Variants in CNIH1 observed in about 807,000 individuals in gnomAD.
The protein encoded by CNIH1 is cornichon family member 1.
CNIH1 carries 12 observed loss-of-function variants against 20.2 expected under a neutral mutation model. The observed-to-expected ratio is 0.59, with a 90% CI of 0.38 to 0.96. The LOEUF is 0.96. Among genes scored for constraint, CNIH1 ranks in the 40% least tolerant of loss-of-function variants. CNIH1 has a pLI of 0.00. For synonymous variants in CNIH1, 69 were observed against 63.3 expected (o/e 1.09, Z -0.43); for missense variants, 152 against 178.8 (o/e 0.85, Z 0.85).
chr14:54,432,283 A>G, intron 2 of CNIH1, 63 bp from the exon 3 acceptor site: 1 of 814,552 alleles, frequency 1.2e-6, no homozygotes, highest in East Asian at 3.1e-5. Flanking sequence ...ACTAATCTGG[A>G]AAGCAGGTGG....
intron 3 of CNIH1, among the ~76,000 whole-genome samples, chr14:54,431,383 C>A (rs1226633836): frequency 1.3e-5 from 2 of 152,190 alleles, no homozygotes; most frequent in Non-Finnish European, 2.9e-5. Flanking sequence ...ACTTCGGCCT[C>A]CCAAAGTGCT....
intron 2 of CNIH1, chr14:54,436,157 A>G (rs1227377773): frequency 2.8e-6 from 2 of 704,814 alleles, no homozygotes; most frequent in Non-Finnish European, 5.2e-6. Context: ...AGCAGATTGG[A>G]AGAATGTTAG....
chr14:54,440,559 C>G (rs1238626803), intron 1 of CNIH1, among the ~76,000 whole-genome samples: 1 of 152,152 alleles, frequency 6.6e-6, no homozygotes, highest in East Asian at 1.9e-4. Context: ...ACTCCCTCTA[C>G]TAAATCAAGC....
chr14:54,441,354 C>T lies in CNIH1; in HGVS notation c.-27G>A. On this transcript the variant is annotated 5_prime_UTR_variant, in exon 1 of 5. Coordinates refer to ENST00000216416, the MANE Select transcript of CNIH1 (RefSeq NM_005776.3). ...GCTGGGGAGGAGGAGCGGGGAGCGG[C>T]GCCGTTGCCAGCGGAGAAAGGCGGC... is the stretch of plus-strand genomic sequence containing the variant. 1.4e-6 allele frequency: 2 copies of T among 1,480,842 alleles called. No homozygotes were observed. Among genetic ancestry groups the T allele is most frequent in the South Asian group, 2.6e-5 (2 of 77,884 alleles). The allele number at this position is 1,480,842 out of a possible 1,614,324, so 91.7% of individuals were successfully genotyped here.
chr14:54,429,084 AAG>A (rs1306647103), intron 4 of CNIH1, among the ~76,000 whole-genome samples: 2 of 151,740 alleles, frequency 1.3e-5, no homozygotes, highest in African/African-American at 4.8e-5. Context: ...AAAAATGAGA[AAG>A]TATTTTATAT....
At chr14:54,431,132 A>G (rs1028977793) in intron 3 of CNIH1, among the ~76,000 whole-genome samples, 1 of 149,142 alleles carries the variant, frequency 6.7e-6, no homozygotes, top group Non-Finnish European at 1.5e-5. Flanking sequence ...GCCCTGAGTA[A>G]ATTTTTTTTT....
chr14:54,436,959 C>G (rs1464004191), intron 1 of CNIH1, among the ~76,000 whole-genome samples: 1 of 152,192 alleles, frequency 6.6e-6, no homozygotes, highest in Non-Finnish European at 1.5e-5. Flanking sequence ...TGCCCCTCTA[C>G]ACTCTCAGGG....
intron 2 of CNIH1, 61 bp downstream of exon 2, chr14:54,436,308 C>T: frequency 1.0e-6 from 1 of 996,506 alleles, no homozygotes; most frequent in Non-Finnish European, 1.6e-6. Flanking sequence ...TTTCAAATTA[C>T]TTCAAGTTAA....
At chr14:54,434,618 C>G (rs181397493) in intron 2 of CNIH1, among the ~76,000 whole-genome samples, 30 of 152,288 alleles carry the variant, frequency 2.0e-4, no homozygotes, top group Admixed American at 2.0e-3. Context: ...TACCACAGAG[C>G]CTAGCACCCA....
chr14:54,435,653 C>T (rs1311355270), intron 2 of CNIH1, among the ~76,000 whole-genome samples: 1 of 152,190 alleles, frequency 6.6e-6, no homozygotes, highest in Non-Finnish European at 1.5e-5. Context: ...TCTGAATAAA[C>T]ATCAGCTGAA....
At chr14:54,432,407 C>T (rs528450367) in intron 2 of CNIH1, among the ~76,000 whole-genome samples, 187 bp from the exon 3 acceptor site, 34 of 152,336 alleles carry the variant, frequency 2.2e-4, no homozygotes, top group African/African-American at 7.0e-4. Context: ...TACAGGCAAA[C>T]TGACCAGAGC....
chr14:54,430,409 A>C lies in CNIH1; in HGVS notation c.264-5T>G. 2 of 1,612,134 alleles carry C rather than the reference A, an allele frequency of 1.2e-6. No individual in the cohort carries two copies. Among genetic ancestry groups the C allele is most frequent in the Non-Finnish European group, 1.7e-6 (2 of 1,179,030 alleles). ...ATCACTGGTCTACTCATATACCTGG[A>C]ATAAACACAGTCTATTAGGCATTCA... On this transcript the variant is annotated splice_region_variant and splice_polypyrimidine_tract_variant and intron_variant, in intron 3 of 4. Coordinates refer to ENST00000216416, the MANE Select transcript of CNIH1 (RefSeq NM_005776.3).
chr14:54,426,698 T>C lies in CNIH1; in HGVS notation c.*1116A>G, dbSNP rs1048796416. 6.6e-6 allele frequency: 1 copy of C among 152,200 alleles called. No homozygotes were observed. Among genetic ancestry groups the C allele is most frequent in the African/African-American group, 2.4e-5 (1 of 41,458 alleles). The allele number at this position is 152,200 out of a possible 1,614,324, so 9.4% of individuals were successfully genotyped here. On this transcript the variant is annotated 3_prime_UTR_variant, in exon 5 of 5. Coordinates refer to ENST00000216416, the MANE Select transcript of CNIH1 (RefSeq NM_005776.3). ...TGCCACCATAATTTTTCTTAATTGG[T>C]AAGAGAAATGATGATGCTATGCCAT...
intron 4 of CNIH1, among the ~76,000 whole-genome samples, 183 bp from the exon 5 acceptor site, chr14:54,428,024 T>C (rs1339680074): frequency 6.6e-6 from 1 of 152,220 alleles, no homozygotes; most frequent in Non-Finnish European, 1.5e-5. Flanking sequence ...CTTGGCTCAG[T>C]GCATATGCTG....
intron 1 of CNIH1, among the ~76,000 whole-genome samples, chr14:54,440,927 C>G (rs1282596549): frequency 6.6e-6 from 1 of 152,198 alleles, no homozygotes; most frequent in African/African-American, 2.4e-5. Context: ...TGCAGGGCCG[C>G]GGGCCGGCAG....
rs1284240192 is a variant in CNIH1, at chr14:54,432,145, C to A, written c.226G>T (p.Gly76Cys). The change falls in exon 3 of 5, where the codon GGT becomes TGT. Residue 76 changes from glycine (G) to cysteine (C), a missense_variant. Gly to Cys is a radical substitution (Grantham distance 159). This residue lies in a region of CNIH1 where 97 missense variants were observed against 100.6 expected (regional missense o/e 0.96). Coordinates refer to ENST00000216416, the MANE Select transcript of CNIH1 (RefSeq NM_005776.3). Reference protein sequence around the residue: ...FLCAAEWLTLGLNMPLLAYHI... With the variant: ...FLCAAEWLTLCLNMPLLAYHI... ...TATGCCAAGAGGGGCATATTGAGACCCAGTGTAAGCCACTCTGCTGCACAA... is the reference window on the plus strand; with the variant it reads ...TATGCCAAGAGGGGCATATTGAGACACAGTGTAAGCCACTCTGCTGCACAA... 21 of 1,563,576 alleles carry A rather than the reference C, an allele frequency of 1.3e-5. No individual in the cohort carries two copies. Among genetic ancestry groups the A allele is most frequent in the Non-Finnish European group, 1.7e-5 (20 of 1,153,706 alleles).
chr14:54,435,217 T>TA (rs1303429256), intron 2 of CNIH1, among the ~76,000 whole-genome samples: 1 of 152,078 alleles, frequency 6.6e-6, no homozygotes, highest in Non-Finnish European at 1.5e-5. Context: ...ATACACAGGC[T>TA]AAAAGAGTAT....
intron 1 of CNIH1, 85 bp from the exon 2 acceptor site, chr14:54,436,522 G>C: frequency 1.4e-6 from 1 of 740,598 alleles, no homozygotes; most frequent in Non-Finnish European, 2.3e-6. Context: ...AATTATTAAA[G>C]TTAATAAAAC....
intron 2 of CNIH1, among the ~76,000 whole-genome samples, chr14:54,435,270 C>T (rs562439221): frequency 1.3e-5 from 2 of 152,132 alleles, no homozygotes; most frequent in African/African-American, 4.8e-5. Flanking sequence ...AAACTGGGTA[C>T]CCTGGTGTGT....
Sources: gnomAD v4.1 joint callset for allele counts (sites outside exome capture counted in the v4.1 genomes callset) on GRCh38, gnomAD v4.1.1 for gene constraint, gnomAD v4.1.1 regional missense constraint, MANE v1.5 for transcripts, NCBI Gene and HGNC (gene_info 2026-07-23, HGNC 2026-07-21) for gene names.